The following ETS2 variants were observed in gnomAD, a reference collection of about 807,000 sequenced individuals.
ETS2 encodes the protein ETS proto-oncogene 2, transcription factor.
ETS2 carries 19 observed loss-of-function variants against 54.9 expected under a neutral mutation model. That is an observed-to-expected ratio of 0.35 (90% CI 0.24 to 0.51). The LOEUF is 0.51. Ranked by LOEUF, ETS2 falls within the 20% of genes least tolerant of loss-of-function variation. The probability of loss-of-function intolerance (pLI) is 0.97; values close to 1 mark genes in which losing one functional copy is unlikely to be tolerated. For synonymous variants in ETS2, 219 were observed against 229.3 expected, an observed-to-expected ratio of 0.95 and a Z score of 0.41; for missense variants, 417 against 593.0, an observed-to-expected ratio of 0.70 and a Z score of 3.08.
chr21:38,811,181 G>A (rs906808552), intron 2 of ETS2, among the ~76,000 whole-genome samples: 7 of 118,826 alleles, frequency 5.9e-5, no homozygotes, highest in Non-Finnish European at 1.1e-4. Flanking sequence ...TGGCTTCCTG[G>A]CTTTAAAAAA....
At chr21:38,818,806 G>A (rs2060945656) in intron 7 of ETS2, among the ~76,000 whole-genome samples, 160 bp downstream of exon 7, 2 of 152,180 alleles carry the variant, frequency 1.3e-5, no homozygotes, top group South Asian at 2.1e-4. Flanking sequence ...CCCCTAATAT[G>A]TTTCAGGCAC....
chr21:38,811,839 TTTTA>T (rs1165073454), intron 2 of ETS2, among the ~76,000 whole-genome samples: 6 of 152,094 alleles, frequency 3.9e-5, no homozygotes, highest in African/African-American at 1.4e-4. Flanking sequence ...TTTTGTTTTG[TTTTA>T]TTTGTTTTTT....
At chr21:38,815,375 G>C (rs2060929077) in intron 5 of ETS2, among the ~76,000 whole-genome samples, 1 of 152,244 alleles carries the variant, frequency 6.6e-6, no homozygotes, top group Non-Finnish European at 1.5e-5. Context: ...CTTAATGAAA[G>C]GGGGGAGCCT....
intron 1 of ETS2, chr21:38,809,499 G>A (rs1194988515): frequency 6.6e-6 from 1 of 152,668 alleles, no homozygotes; most frequent in African/African-American, 2.4e-5. Flanking sequence ...CCCTGGGTGT[G>A]TGCTTTCTTA....
At chr21:38,807,162 G>A (rs2060896852) in intron 1 of ETS2, among the ~76,000 whole-genome samples, 2 of 152,194 alleles carry the variant, frequency 1.3e-5, no homozygotes. Flanking sequence ...ACCATCCGCA[G>A]GGAAATGCTC....
At position 38,813,096 on chromosome 21, in the gene ETS2, T is replaced by G. The variant is rs1438333285; in HGVS notation, c.166T>G (p.Leu56Val). The G allele has an allele frequency of 1.2e-6, 2 of 1,610,910 alleles. No individual in the cohort carries two copies. Among genetic ancestry groups the G allele is most frequent in the Non-Finnish European group, 1.7e-6 (2 of 1,176,960 alleles). Reference protein sequence around the residue: ...EQTLQEVPTGLDSISHDSANC... With the variant: ...EQTLQEVPTGVDSISHDSANC... ...AACACTGCAAGAAGTGCCAACAGGC[T>G]TGGATTCCATTTCTCATGGTAATTG... The change falls in exon 3 of 10, where the codon TTG becomes GTG. Residue 56 changes from leucine (L) to valine (V), a missense_variant. Coordinates refer to ENST00000360938, the MANE Select transcript of ETS2 (RefSeq NM_005239.6).
chr21:38,820,320 C>A (rs906320528), intron 8 of ETS2, among the ~76,000 whole-genome samples: 1 of 151,930 alleles, frequency 6.6e-6, no homozygotes, highest in South Asian at 2.1e-4. Flanking sequence ...TCCTTAAATG[C>A]GTTTTTGTTT....
Position 38,819,757 on chromosome 21 carries a change from G to C in ETS2, c.1066G>C (p.Gly356Arg), listed in dbSNP as rs757163141. ...AGTTATACCTGCAGCTGTGCTGGCC[G>C]GCTTCACAGGTGTGTGTGGAACTCC... ...KPVIPAAVLA[G>R]FTGSGPIQLW... Residue 356 changes from glycine (G) to arginine (R), a missense_variant, in exon 8 of 10, where the codon GGC becomes CGC. Around this residue, in one of 3 missense-constraint regions of ETS2, gnomAD observed 60 missense variants for 134.1 expected, o/e 0.45. Transcript: ENST00000360938. 1 of 1,612,616 alleles carries C rather than the reference G, an allele frequency of 6.2e-7. No individual in the cohort carries two copies. The highest frequency in any genetic ancestry group is 8.5e-7 in the Non-Finnish European group (1 of 1,179,526).
intron 6 of ETS2, among the ~76,000 whole-genome samples, chr21:38,817,595 A>C (rs2060940489): frequency 6.6e-6 from 1 of 152,236 alleles, no homozygotes; most frequent in Admixed American, 6.5e-5. Context: ...TTAGTGTAGC[A>C]AACAAGAGGC....
upstream of ETS2, chr21:38,805,540 G>A (rs763865948): frequency 2.3e-6 from 3 of 1,286,246 alleles, no homozygotes; most frequent in Admixed American, 4.6e-5. The surrounding 1 kb of genome is among the most constrained non-coding windows in gnomAD (Gnocchi z 5.2). Context: ...CGCACGTGGG[G>A]CCGAGGCCCT....
chr21:38,815,748 T>C (rs1013374806), intron 5 of ETS2, among the ~76,000 whole-genome samples: 1 of 151,434 alleles, frequency 6.6e-6, no homozygotes, highest in Non-Finnish European at 1.5e-5. Context: ...CTAGCCAATA[T>C]GGTGAAACCC....
At chr21:38,815,870 G>A (rs535607040) in intron 5 of ETS2, among the ~76,000 whole-genome samples, 284 of 148,876 alleles carry the variant, frequency 1.9e-3, no homozygotes, top group Middle Eastern at 3.4e-3. Flanking sequence ...AGCCCGGGAG[G>A]CAGAGGTTGC....
rs2060966319 is a variant in ETS2 at position 38,823,402 on chromosome 21, A to C, written c.*513A>C. The stretch of plus-strand genomic sequence containing the variant: ...ATCCCTTAACAGTTGTATTTAACAG[A>C]AATTGTATATTGTAATTTAAAATAA... On this transcript the variant is annotated 3_prime_UTR_variant, in exon 10 of 10. Transcript: ENST00000360938. 6.5e-6 allele frequency: 1 copy of C among 152,702 alleles called. No individual in the cohort carries two copies. The highest frequency in any genetic ancestry group is 1.5e-5 in the Non-Finnish European group (1 of 68,072). 9.5% of individuals were successfully genotyped at this position (152,702 alleles called of 1,614,324 possible). A position where few individuals can be genotyped will look rare whatever the true frequency, so the allele number is the denominator to read the frequency against.
chr21:38,812,978 A>AT (rs753087452), intron 2 of ETS2, 25 bp from the exon 3 acceptor site: 55 of 1,512,542 alleles, frequency 3.6e-5, no homozygotes, highest in African/African-American at 5.5e-5. Flanking sequence ...TTGTATTTCC[A>AT]TTTTTTTTCC....
intron 7 of ETS2, among the ~76,000 whole-genome samples, chr21:38,818,944 A>G (rs2060946141): frequency 6.6e-6 from 1 of 152,236 alleles, no homozygotes; most frequent in Non-Finnish European, 1.5e-5. Flanking sequence ...GAGATGTAAC[A>G]TAAATACAGT....
intron 5 of ETS2, 103 bp downstream of exon 5, chr21:38,815,084 T>C: frequency 8.9e-7 from 1 of 1,123,156 alleles, no homozygotes; most frequent in Non-Finnish European, 1.3e-6. Flanking sequence ...GGGTTGCCAC[T>C]TGAAATGACA....
At position 38,817,165 on chromosome 21, in the gene ETS2, AGGCTCCTAAGGGGCCACCTAG is replaced by A. The variant is rs1054948931; in HGVS notation, c.589+75_589+95del. ...AGTAGACTTGGAATCTCTCTACTGT[AGGCTCCTAAGGGGCCACCTAG>A]ACCTGTGTGTCTCTTATGGTGGCCA... On this transcript the variant is annotated intron_variant, in intron 6 of 9. Coordinates refer to ENST00000360938, the MANE Select transcript of ETS2 (RefSeq NM_005239.6). 49 of 969,910 alleles carry A rather than the reference AGGCTCCTAAGGGGCCACCTAG, an allele frequency of 5.1e-5. No individual in the cohort carries two copies. The African/African-American group carries it at 6.9e-4, about 14-fold the overall frequency. 60.1% of individuals were successfully genotyped at this position (969,910 alleles called of 1,614,324 possible). A position where few individuals can be genotyped will look rare whatever the true frequency, so the allele number is the denominator to read the frequency against.
rs555163449 is a variant in ETS2, at chr21:38,806,728, C to A, written c.-1+608C>A. 6.1e-4 allele frequency: 604 copies of A among 985,442 alleles called. 1 individual carries two copies. Among genetic ancestry groups the A allele is most frequent in the Non-Finnish European group, 6.9e-4 (570 of 829,952 alleles). 61.0% of individuals were successfully genotyped at this position (985,442 alleles called of 1,614,324 possible). On this transcript the variant is annotated intron_variant, in intron 1 of 9. Transcript: ENST00000360938. The surrounding 1 kb of genome is among the most constrained non-coding windows in gnomAD (Gnocchi z 4.3). ...GGACCCCTCGGTCGTGCGAGGAGAG[C>A]GTGGGGAACCTGTCGGAAATGAGAT...
At chr21:38,813,730 G>T (rs912146207) in intron 3 of ETS2, among the ~76,000 whole-genome samples, 1 of 152,212 alleles carries the variant, frequency 6.6e-6, no homozygotes, top group Non-Finnish European at 1.5e-5. Flanking sequence ...TAATTAAAAC[G>T]CATACACTGG....
Sources: gnomAD v4.1 joint callset for allele counts (sites outside exome capture counted in the v4.1 genomes callset) on GRCh38, gnomAD v4.1.1 for gene constraint, gnomAD v4.1.1 regional missense constraint, Gnocchi (gnomAD v3.1) non-coding constraint, MANE v1.5 for transcripts, NCBI Gene and HGNC (gene_info 2026-07-23, HGNC 2026-07-21) for gene names.